Variants in SMYD3 observed in about 807,000 individuals in gnomAD.
SMYD3 encodes the protein histone-lysine N-methyltransferase SMYD3.
A neutral mutation model predicts 57.7 loss-of-function variants in SMYD3; 36 were observed. The observed-to-expected ratio is 0.62, with a 90% CI of 0.48 to 0.82. The LOEUF is 0.82. Ranked by LOEUF, SMYD3 falls within the 40% of genes least tolerant of loss-of-function variation. The pLI, the probability that SMYD3 is intolerant of heterozygous loss-of-function variation, is 0.00. For missense variants in SMYD3, 515 were observed against 538.8 expected, an observed-to-expected ratio of 0.96 and a Z score of 0.44; for synonymous variants, 211 against 195.0, an observed-to-expected ratio of 1.08 and a Z score of -0.68.
At chr1:245,960,413 C>A (rs1299259278) in intron 5 of SMYD3, among the ~76,000 whole-genome samples, 1 of 152,192 alleles carries the variant, frequency 6.6e-6, no homozygotes, top group African/African-American at 2.4e-5. Flanking sequence ...ATGACCCCGA[C>A]ATGAAAACCA....
chr1:245,989,593 A>G (rs970849520), intron 5 of SMYD3, among the ~76,000 whole-genome samples: 4 of 152,252 alleles, frequency 2.6e-5, no homozygotes, highest in Non-Finnish European at 5.9e-5. Flanking sequence ...GATACAAAGG[A>G]GAAGCAAACA....
At chr1:246,028,638 T>G (rs1389011445) in intron 5 of SMYD3, among the ~76,000 whole-genome samples, 1 of 152,192 alleles carries the variant, frequency 6.6e-6, no homozygotes, top group Non-Finnish European at 1.5e-5. Context: ...TTAATATTGT[T>G]AAGATGACCA....
chr1:246,179,398 G>T (rs1246936918), intron 5 of SMYD3, among the ~76,000 whole-genome samples: 1 of 152,190 alleles, frequency 6.6e-6, no homozygotes, highest in South Asian at 2.1e-4. Context: ...AATGGGGGTT[G>T]TATGTGTGTC....
intron 5 of SMYD3, among the ~76,000 whole-genome samples, chr1:246,059,701 A>G (rs1425610297): frequency 6.6e-6 from 1 of 152,224 alleles, no homozygotes; most frequent in Non-Finnish European, 1.5e-5. Context: ...AAAGGCAAGT[A>G]AGATACGATT....
chr1:245,835,961 A>G (rs985595409), intron 10 of SMYD3, among the ~76,000 whole-genome samples: 45 of 152,142 alleles, frequency 3.0e-4, no homozygotes, highest in African/African-American at 9.7e-4. Context: ...TTGCTAGTTA[A>G]TGCTCTCTCT....
chr1:246,178,912 GC>G (rs2062482092), intron 5 of SMYD3: 1 of 152,410 alleles, frequency 6.6e-6, no homozygotes, highest in African/African-American at 2.4e-5. Context: ...GATTGATACT[GC>G]CAAATGAACA....
At chr1:246,267,352 A>G (rs73147255) in intron 5 of SMYD3, among the ~76,000 whole-genome samples, 6,142 of 152,268 alleles carry the variant, frequency 0.04, 420 homozygotes, top group African/African-American at 0.14. Flanking sequence ...TTCTGGGCCC[A>G]ATTTTAAAAG....
At chr1:245,949,762 T>C (rs577413214) in intron 5 of SMYD3, among the ~76,000 whole-genome samples, 3 of 152,164 alleles carry the variant, frequency 2.0e-5, no homozygotes, top group Non-Finnish European at 4.4e-5. Context: ...TGAGCCAAGA[T>C]TGTACCACTG....
At chr1:245,898,887 C>T (rs553837701) in intron 8 of SMYD3, among the ~76,000 whole-genome samples, 1 of 152,260 alleles carries the variant, frequency 6.6e-6, no homozygotes, top group South Asian at 2.1e-4. Context: ...GGATTCTGAC[C>T]TGGGCAAGCC....
intron 5 of SMYD3, among the ~76,000 whole-genome samples, chr1:246,006,077 T>C (rs561483748): frequency 6.6e-6 from 1 of 152,298 alleles, no homozygotes; most frequent in East Asian, 1.9e-4. Context: ...TCTACTACAC[T>C]GTTTTAGGAT....
chr1:246,240,632 T>G (rs1377784671), intron 5 of SMYD3, among the ~76,000 whole-genome samples: 1 of 152,210 alleles, frequency 6.6e-6, no homozygotes, highest in Non-Finnish European at 1.5e-5. Context: ...GTGAAGAAAG[T>G]CATTGGTAGC....
intron 1 of SMYD3, among the ~76,000 whole-genome samples, chr1:246,381,726 C>A (rs547701672): frequency 6.6e-6 from 1 of 152,346 alleles, no homozygotes; most frequent in African/African-American, 2.4e-5. Flanking sequence ...GAAGTATTTT[C>A]AACCAGGCCT....
At chr1:246,288,338 AC>A (rs1193896628) in intron 5 of SMYD3, among the ~76,000 whole-genome samples, 1 of 151,748 alleles carries the variant, frequency 6.6e-6, no homozygotes, top group East Asian at 1.9e-4. Flanking sequence ...TGGATTTAGA[AC>A]CGTAGCTCCA....
Position 246,479,446 on chromosome 1 carries a change from T to C in SMYD3, c.164+27608A>G, listed in dbSNP as rs1418208532. ...CTTGCCACTGGCATCCTGCTAGGCA[T>C]TGTGGATTAGGTGTTAAAATGCACG... On this transcript the variant is annotated intron_variant, in intron 1 of 11. Coordinates refer to ENST00000490107, the MANE Select transcript of SMYD3 (RefSeq NM_001167740.2). 2.0e-5 allele frequency among the ~76,000 whole-genome samples: 3 copies of C among 152,130 alleles called. No individual in the cohort carries two copies. In the East Asian group the frequency reaches 5.8e-4, roughly 29 times the overall value.
At chr1:246,281,128 G>A (rs1408760200) in intron 5 of SMYD3, among the ~76,000 whole-genome samples, 2 of 152,160 alleles carry the variant, frequency 1.3e-5, no homozygotes, top group Non-Finnish European at 2.9e-5. Flanking sequence ...AGGCATTTAT[G>A]AGTCATTGAA....
chr1:246,153,521 G>C (rs1370053830), intron 5 of SMYD3, among the ~76,000 whole-genome samples: 1 of 152,144 alleles, frequency 6.6e-6, no homozygotes, highest in Non-Finnish European at 1.5e-5. Context: ...AGGCTGGAGT[G>C]CAGTGGTATG....
chr1:245,820,615 G>A (rs1468085222), intron 10 of SMYD3, among the ~76,000 whole-genome samples: 1 of 152,176 alleles, frequency 6.6e-6, no homozygotes, highest in Non-Finnish European at 1.5e-5. Flanking sequence ...GTCCCTGTTT[G>A]CAGACGACAT....
intron 1 of SMYD3, among the ~76,000 whole-genome samples, chr1:246,358,070 C>G (rs1267719170): frequency 6.6e-6 from 1 of 152,134 alleles, no homozygotes; most frequent in East Asian, 1.9e-4. Context: ...CTTCAGGAGA[C>G]TCACCTAACA....
At chr1:245,861,891 C>T (rs9287185) in intron 9 of SMYD3, among the ~76,000 whole-genome samples, 84,499 of 152,002 alleles carry the variant, frequency 0.56, 26,667 homozygotes, top group Non-Finnish European at 0.73. Context: ...TCTGTCTGAA[C>T]CATCAGGTGA....
Sources: allele counts gnomAD v4.1 joint callset (sites outside exome capture counted in the v4.1 genomes callset), GRCh38; gene constraint gnomAD v4.1.1; transcripts MANE v1.5; gene names NCBI Gene and HGNC (gene_info 2026-07-23, HGNC 2026-07-21).